CCNH: variants seen among roughly 807,000 people sequenced by gnomAD.
CCNH encodes cyclin-H.
In CCNH, 31 loss-of-function variants were observed where a neutral mutation model predicts 41.9. The ratio of observed to expected loss-of-function variants is 0.74; its 90% CI spans 0.56 to 1.00. The LOEUF (loss-of-function observed/expected upper bound fraction) is 1.00, where lower values mean the gene tolerates loss of function less well. Ranked by LOEUF, CCNH falls within the 50% of genes least tolerant of loss-of-function variation. The pLI is 0.00. For missense variants in CCNH, 362 were observed against 388.4 expected (o/e 0.93, Z 0.57); for synonymous variants, 138 against 136.1 (o/e 1.01, Z -0.10).
chr5:87,374,568 T>C (rs1761191726), downstream of CCNH, among the ~76,000 whole-genome samples: 3 of 151,498 alleles, frequency 2.0e-5, no homozygotes, highest in South Asian at 2.1e-4. Flanking sequence ...AAACATTTAC[T>C]AACCCACAAA....
intron 6 of CCNH, among the ~76,000 whole-genome samples, chr5:87,400,151 TGA>T (rs1763291661): frequency 6.6e-6 from 1 of 152,146 alleles, no homozygotes; most frequent in Non-Finnish European, 1.5e-5. Flanking sequence ...AGGGGAATGA[TGA>T]GAGATCCAAT....
intron 9 of CCNH, among the ~76,000 whole-genome samples, chr5:87,356,787 C>T (rs1282355505): frequency 1.3e-5 from 2 of 152,186 alleles, no homozygotes; most frequent in East Asian, 1.9e-4. Context: ...TATACGTGCA[C>T]TGCGAAACCA....
intron 9 of CCNH, among the ~76,000 whole-genome samples, chr5:87,368,557 C>G (rs572262130): frequency 3.0e-4 from 45 of 152,206 alleles, no homozygotes; most frequent in Admixed American, 1.1e-3. Context: ...ATTGTTCTTA[C>G]GGATGGTATA....
At chr5:87,374,147 A>ATAT (rs2112484603), downstream of CCNH, 6 of 1,006,708 alleles carry the variant, frequency 6.0e-6, no homozygotes, top group East Asian at 3.9e-5. Context: ...ATATATATAT[A>ATAT]TTTTTTTTTT....
At chr5:87,334,531 C>T (rs1175918115) in intron 9 of CCNH, among the ~76,000 whole-genome samples, 1 of 152,154 alleles carries the variant, frequency 6.6e-6, no homozygotes, top group Admixed American at 6.5e-5. Context: ...CATCACAGTC[C>T]ATGAGATCAG....
At chr5:87,347,721 TAAA>T (rs1353134077) in intron 9 of CCNH, among the ~76,000 whole-genome samples, 2 of 151,972 alleles carry the variant, frequency 1.3e-5, no homozygotes, top group African/African-American at 4.8e-5. Flanking sequence ...AAAAATAAGT[TAAA>T]AAAGATTATG....
At chr5:87,396,143 T>G (rs906437032) in intron 7 of CCNH, among the ~76,000 whole-genome samples, 27 of 152,250 alleles carry the variant, frequency 1.8e-4, no homozygotes, top group African/African-American at 6.5e-4. Context: ...TTACATTGTA[T>G]TTAGGTATTA....
chr5:87,377,236 A>T, upstream of CCNH: 1 of 689,526 alleles, frequency 1.5e-6, no homozygotes, highest in Non-Finnish European at 2.4e-6. Context: ...TGATATTTCT[A>T]ATGTAGGTTT....
intron 9 of CCNH, among the ~76,000 whole-genome samples, chr5:87,361,803 TTAAG>T (rs1254142733): frequency 6.6e-6 from 1 of 152,166 alleles, no homozygotes; most frequent in Non-Finnish European, 1.5e-5. Context: ...CAGGGATACA[TTAAG>T]AAAGAACCTA....
At chr5:87,333,010 A>G (rs959195259) in intron 9 of CCNH, among the ~76,000 whole-genome samples, 1 of 152,140 alleles carries the variant, frequency 6.6e-6, no homozygotes, top group South Asian at 2.1e-4. Flanking sequence ...TTCATGTAGT[A>G]TATTTAAAAT....
intron 9 of CCNH, chr5:87,369,980 G>T: frequency 1.7e-6 from 2 of 1,184,420 alleles, no homozygotes; most frequent in Non-Finnish European, 2.5e-6. Context: ...GAAAATGATC[G>T]CATTCAAGAT....
intron 9 of CCNH, among the ~76,000 whole-genome samples, chr5:87,358,418 G>A (rs1403965807): frequency 5.9e-5 from 9 of 152,188 alleles, no homozygotes; most frequent in Non-Finnish European, 1.2e-4. Context: ...GAGCTGAGAG[G>A]TTAATAACTT....
At chr5:87,361,487 C>A (rs1003873370) in intron 9 of CCNH, among the ~76,000 whole-genome samples, 2 of 151,958 alleles carry the variant, frequency 1.3e-5, no homozygotes, top group Non-Finnish European at 2.9e-5. Flanking sequence ...GTAAGATGGA[C>A]TAAAAGTCAT....
Position 87,394,463 on chromosome 5 carries a change from G to A in CCNH, c.955C>T (p.Leu319=), listed in dbSNP as rs1561340583. The A allele has an allele frequency of 3.1e-6, 5 of 1,613,246 alleles. No individual in the cohort carries two copies. Among genetic ancestry groups the A allele is most frequent in the African/African-American group, 2.7e-5 (2 of 75,006 alleles). ...HEEEEWTDDD[L]VESL The stretch of plus-strand genomic sequence containing the variant: ...TCAAATGGTTAGAGAGATTCTACCA[G>A]GTCGTCATCAGTCCATTCTTCCTAA... Residue 319 remains leucine, a synonymous_variant, in exon 9 of 9, where the codon CTG becomes TTG. Transcript: ENST00000256897.
At chr5:87,381,217 A>C (rs1761691561), upstream of CCNH, among the ~76,000 whole-genome samples, 2 of 152,304 alleles carry the variant, frequency 1.3e-5, no homozygotes, top group South Asian at 2.1e-4. Context: ...CCAATGAAGA[A>C]GCAGATCTGT....
At chr5:87,390,460 G>A (rs1054694051), downstream of CCNH, among the ~76,000 whole-genome samples, 12 of 149,310 alleles carry the variant, frequency 8.0e-5, no homozygotes. Context: ...CTAATAATAT[G>A]ACTTGACTTG....
downstream of CCNH, among the ~76,000 whole-genome samples, chr5:87,371,684 C>T (rs1245954257): frequency 1.3e-5 from 2 of 152,036 alleles, no homozygotes; most frequent in Admixed American, 6.6e-5. Flanking sequence ...ATCACATTAT[C>T]AGTTGGTTTT....
chr5:87,394,259 A>G, downstream of CCNH: 1 of 1,272,804 alleles, frequency 7.9e-7, no homozygotes, highest in South Asian at 2.9e-5. Flanking sequence ...TATTCAAAAC[A>G]GGTGCTATTC....
At chr5:87,407,082 G>A (rs769443028) in intron 4 of CCNH, among the ~76,000 whole-genome samples, 5 of 152,090 alleles carry the variant, frequency 3.3e-5, no homozygotes, top group East Asian at 1.9e-4. Flanking sequence ...TCTTCAGCAC[G>A]GAATGGTTTC....
Sources: gnomAD v4.1 joint callset for allele counts (sites outside exome capture counted in the v4.1 genomes callset) on GRCh38, gnomAD v4.1.1 for gene constraint, MANE v1.5 for transcripts, NCBI Gene and HGNC (gene_info 2026-07-23, HGNC 2026-07-21) for gene names.